Variants in HELZ observed in about 807,000 individuals in gnomAD.
The protein encoded by HELZ is helicase with zinc finger.
In HELZ, 23 loss-of-function variants were observed where a neutral mutation model predicts 218.2. The ratio of observed to expected loss-of-function variants is 0.11; its 90% CI spans 0.08 to 0.15. The LOEUF (loss-of-function observed/expected upper bound fraction) is 0.15, where lower values mean the gene tolerates loss of function less well. Among genes scored for constraint, HELZ ranks in the 10% least tolerant of loss-of-function variants. HELZ has a pLI of 1.00. For synonymous variants in HELZ, 814 were observed against 829.4 expected (o/e 0.98, Z 0.32); for missense variants, 1,813 against 2,353.7 (o/e 0.77, Z 4.75).
intron 17 of HELZ, among the ~76,000 whole-genome samples, chr17:67,152,782 A>C (rs1006925521): frequency 3.3e-5 from 5 of 151,630 alleles, no homozygotes; most frequent in African/African-American, 7.3e-5. Context: ...AAAAAAAAAA[A>C]AAACAACTAG....
At chr17:67,220,854 C>G (rs145072297) in intron 3 of HELZ, among the ~76,000 whole-genome samples, 2 of 144,922 alleles carry the variant, frequency 1.4e-5, no homozygotes, top group African/African-American at 2.5e-5. Flanking sequence ...ATAACTCCCC[C>G]CCCCCCAAAA....
intron 15 of HELZ, among the ~76,000 whole-genome samples, chr17:67,163,491 A>G (rs2039049065): frequency 6.6e-6 from 1 of 151,856 alleles, no homozygotes; most frequent in African/African-American, 2.4e-5. Context: ...CTCTGCCTCC[A>G]GGGTTCACGC....
chr17:67,176,655 G>A (rs572977295), intron 13 of HELZ: 1 of 152,180 alleles, frequency 6.6e-6, no homozygotes, highest in Non-Finnish European at 1.5e-5. Flanking sequence ...TGGGCAACAT[G>A]GCAAAATCCC....
chr17:67,167,503 C>T lies in HELZ; in HGVS notation c.1724G>A (p.Cys575Tyr). ...AGGCCGAAGATTAAGTTCTTCACAG[C>T]ATTCCCTAGATAGCCTTAAAAATAT... Reference protein sequence around the residue: ...EYIFLRLSRECCEELNLRPDC... With the variant: ...EYIFLRLSREYCEELNLRPDC... Residue 575 changes from cysteine (C) to tyrosine (Y), a missense_variant, in exon 14 of 33, where the codon TGC (cysteine) becomes TAC (tyrosine). Physicochemically the swap from Cys to Tyr is radical, Grantham distance 194. Transcript: ENST00000358691. The T allele has an allele frequency of 6.2e-7, 1 of 1,613,808 alleles. No homozygotes were observed. The highest frequency in any genetic ancestry group is 8.5e-7 in the Non-Finnish European group (1 of 1,179,766).
chr17:67,177,475 A>C (rs2039493949), intron 13 of HELZ, among the ~76,000 whole-genome samples: 1 of 152,042 alleles, frequency 6.6e-6, no homozygotes, highest in South Asian at 2.1e-4. Context: ...CTACTATGAT[A>C]CTCAAAAATA....
intron 6 of HELZ, 73 bp downstream of exon 6, chr17:67,203,246 T>G (rs926889738): frequency 4.8e-6 from 7 of 1,452,080 alleles, no homozygotes; most frequent in Non-Finnish European, 5.6e-6. Flanking sequence ...CACTTTTTTT[T>G]CCCCACAATA....
At chr17:67,225,053 T>C (rs2040853858) in intron 3 of HELZ, 2 of 610,252 alleles carry the variant, frequency 3.3e-6, no homozygotes, top group Non-Finnish European at 3.0e-6. Flanking sequence ...TGTCATCTTT[T>C]ATTATGAAGA....
At chr17:67,105,037 G>A (rs1446446568) in intron 31 of HELZ, among the ~76,000 whole-genome samples, 1 of 152,194 alleles carries the variant, frequency 6.6e-6, no homozygotes, top group East Asian at 1.9e-4. Flanking sequence ...GGAGCCTGAG[G>A]CAAGAGAATT....
At chr17:67,165,045 A>G (rs2039100126) in intron 15 of HELZ, among the ~76,000 whole-genome samples, 1 of 152,228 alleles carries the variant, frequency 6.6e-6, no homozygotes, top group Non-Finnish European at 1.5e-5. Flanking sequence ...AAGCATGAAG[A>G]GGAGCTGAAT....
intron 5 of HELZ, among the ~76,000 whole-genome samples, chr17:67,211,599 G>A (rs1239245610): frequency 4.6e-5 from 7 of 152,224 alleles, no homozygotes; most frequent in East Asian, 1.9e-4. Flanking sequence ...GGTGGTTCAC[G>A]CCTATAATCC....
chr17:67,210,923 A>G (rs1018366976), intron 5 of HELZ, among the ~76,000 whole-genome samples: 4 of 152,232 alleles, frequency 2.6e-5, no homozygotes, highest in African/African-American at 9.6e-5. Context: ...TCAAAAAAAA[A>G]AGTAAGTTTC....
chr17:67,098,518 T>C (rs908892471), intron 31 of HELZ, among the ~76,000 whole-genome samples: 18 of 151,008 alleles, frequency 1.2e-4, no homozygotes, highest in Non-Finnish European at 2.1e-4. Flanking sequence ...GCGGATCACC[T>C]CAGGTCAGGA....
At chr17:67,123,882 C>T (rs2037700249) in intron 25 of HELZ, 81 bp downstream of exon 25, 2 of 882,410 alleles carry the variant, frequency 2.3e-6, no homozygotes, top group Non-Finnish European at 3.9e-6. Context: ...TCTCCCCACC[C>T]TCCTCTTTCT....
At chr17:67,193,094 GC>G (rs1257037988) in intron 9 of HELZ, among the ~76,000 whole-genome samples, 1 of 152,086 alleles carries the variant, frequency 6.6e-6, no homozygotes, top group East Asian at 1.9e-4. Flanking sequence ...TGTAATCCCA[GC>G]ATTTTGGGAG....
At chr17:67,110,225 G>A (rs1354056281) in intron 28 of HELZ, among the ~76,000 whole-genome samples, 1 of 151,786 alleles carries the variant, frequency 6.6e-6, no homozygotes, top group Non-Finnish European at 1.5e-5. Flanking sequence ...GCACCACCAC[G>A]CCCAACTAAT....
intron 8 of HELZ, among the ~76,000 whole-genome samples, chr17:67,194,855 T>G (rs2039983964): frequency 2.0e-5 from 3 of 152,206 alleles, no homozygotes; most frequent in Admixed American, 2.0e-4. Flanking sequence ...GCTGTGTGAC[T>G]TTAGGGCAAC....
chr17:67,181,207 A>G (rs1044132657), intron 12 of HELZ, among the ~76,000 whole-genome samples: 5 of 152,160 alleles, frequency 3.3e-5, no homozygotes, highest in Admixed American at 6.5e-5. Context: ...ATTAATTCAG[A>G]CTGTGCCTAG....
chr17:67,212,847 C>T (rs1004967295), intron 5 of HELZ, among the ~76,000 whole-genome samples: 1 of 152,114 alleles, frequency 6.6e-6, no homozygotes, highest in African/African-American at 2.4e-5. Flanking sequence ...AGGATAGTAT[C>T]CCAGAAATGA....
At chr17:67,138,460 T>C (rs906121855) in intron 21 of HELZ, among the ~76,000 whole-genome samples, 41 of 152,292 alleles carry the variant, frequency 2.7e-4, no homozygotes, top group African/African-American at 9.6e-4. Context: ...AGGCAAGTTC[T>C]CACAGCCCCA....
Sources: gnomAD v4.1 joint callset for allele counts (sites outside exome capture counted in the v4.1 genomes callset) on GRCh38, gnomAD v4.1.1 for gene constraint, MANE v1.5 for transcripts, NCBI Gene and HGNC (gene_info 2026-07-23, HGNC 2026-07-21) for gene names.